ADAMTS7: variants seen among roughly 807,000 people sequenced by gnomAD.
ADAMTS7 encodes the protein ADAM metallopeptidase with thrombospondin type 1 motif 7.
A neutral mutation model predicts 172.6 loss-of-function variants in ADAMTS7; 89 were observed. That is an observed-to-expected ratio of 0.52 (90% CI 0.43 to 0.61). The LOEUF (loss-of-function observed/expected upper bound fraction) is 0.61. Among genes scored for constraint, ADAMTS7 ranks in the 20% least tolerant of loss-of-function variants. ADAMTS7 has a pLI of 0.00. For synonymous variants in ADAMTS7, 885 were observed against 978.4 expected (o/e 0.90, Z 1.78); for missense variants, 1,973 against 2,355.6 (o/e 0.84, Z 3.36).
At chr15:78,760,082 TTC>T (rs1240861365) in intron 23 of ADAMTS7, among the ~76,000 whole-genome samples, 9 of 148,334 alleles carry the variant, frequency 6.1e-5, no homozygotes. Context: ...CAGCCTCGGG[TTC>T]TGAGTCACAG....
intron 20 of ADAMTS7, 63 bp downstream of exon 20, chr15:78,764,492 G>T: frequency 1.3e-6 from 2 of 1,501,196 alleles, no homozygotes; most frequent in Non-Finnish European, 8.9e-7. Flanking sequence ...AACACAGGCC[G>T]TGGGGAACCA....
At chr15:78,770,635 GGGGGGAGACCGAGGGGTAT>G (rs371293965) in intron 16 of ADAMTS7, 27 of 134,526 alleles carry the variant, frequency 2.0e-4, no homozygotes, top group Non-Finnish European at 3.1e-4. Context: ...CGAGGGGTAT[GGGGGGAGACCGAGGGGTAT>G]GGGGGAGACT....
Position 78,811,118 on chromosome 15 carries a change from C to T in ADAMTS7, c.100+3G>A. 1.6e-6 allele frequency: 2 copies of T among 1,229,860 alleles called. No individual in the cohort carries two copies. The highest frequency in any genetic ancestry group is 2.0e-6 in the Non-Finnish European group (2 of 986,890). 76.2% of individuals were successfully genotyped at this position (1,229,860 alleles called of 1,614,324 possible). A position where few individuals can be genotyped will look rare whatever the true frequency, so the allele number is the denominator to read the frequency against. ...GGCTGGCCGGGGAGGGGCGGACACC[C>T]ACCTGGTGCGGGTCCGGGGGCGCCG... is the stretch of plus-strand genomic sequence containing the variant. On this transcript the variant is annotated splice_donor_region_variant and intron_variant, in intron 1 of 23. Transcript: ENST00000388820.
At position 78,766,933 on chromosome 15, in the gene ADAMTS7, A is replaced by G. The variant is rs535910575; in HGVS notation, c.2978T>C (p.Leu993Pro). Residue 993 changes from leucine to proline, a missense_variant, in exon 19 of 24, where the codon CTC (leucine) becomes CCC (proline). This residue lies in a region of ADAMTS7 where 771 missense variants were observed against 952.6 expected (regional missense o/e 0.81). Transcript: ENST00000388820. ...PASEVTCSLP[L>P]CRWPLGTLGP... ...CAGTGTGCCCAGGGGCCACCGACAG[A>G]GTGGCAGAGAGCAGGTGACTTCGCT... 1.4e-4 allele frequency: 231 copies of G among 1,610,440 alleles called. 1 individual carries two copies. In the East Asian group the frequency reaches 2.3e-3, roughly 16 times the overall value.
chr15:78,768,154 C>T lies in ADAMTS7; in HGVS notation c.2624G>A (p.Ser875Asn). 4.4e-6 allele frequency: 7 copies of T among 1,598,030 alleles called. No homozygotes were observed. The highest frequency in any genetic ancestry group is 6.0e-6 in the Non-Finnish European group (7 of 1,174,762). ...TCACCTGGCAGGGCAGGGCTGCTCG[C>T]TGCACTTCCTCTGTTGGTCATCAGG... ...GRPDDQQRKC[S>N]EQPCPARWWA... Residue 875 changes from serine (S) to asparagine (N), a missense_variant, in exon 17 of 24, where the codon AGC (serine) becomes AAC (asparagine). Physicochemically the swap from Ser to Asn is conservative, Grantham distance 46 (BLOSUM62 1). This residue lies in a region of ADAMTS7 where 771 missense variants were observed against 952.6 expected (regional missense o/e 0.81). Coordinates refer to ENST00000388820, the MANE Select transcript of ADAMTS7 (RefSeq NM_014272.5).
chr15:78,790,523 GA>G (rs2055563677), intron 6 of ADAMTS7, 146 bp downstream of exon 6: 2 of 1,018,218 alleles, frequency 2.0e-6, no homozygotes, highest in Non-Finnish European at 2.8e-6. Context: ...AGTGCGGACA[GA>G]ATCCAGCCTT....
At chr15:78,795,407 G>C (rs1444554219) in intron 4 of ADAMTS7, among the ~76,000 whole-genome samples, 1 of 152,238 alleles carries the variant, frequency 6.6e-6, no homozygotes, top group African/African-American at 2.4e-5. Flanking sequence ...CTGGCCCAGA[G>C]CTGCACTCAC....
chr15:78,773,374 T>C (rs8041841), intron 13 of ADAMTS7, among the ~76,000 whole-genome samples, 171 bp from the exon 14 acceptor site: 48,451 of 125,394 alleles, frequency 0.39, 8,221 homozygotes, highest in Non-Finnish European at 0.51. Context: ...ACCTCTCTAC[T>C]TCCCTAAGCC....
chr15:78,787,363 A>AC (rs968676778), intron 8 of ADAMTS7, among the ~76,000 whole-genome samples: 4 of 151,504 alleles, frequency 2.6e-5, no homozygotes, highest in African/African-American at 7.3e-5. Context: ...AAAAAAACAA[A>AC]AAAACACCAG....
intron 1 of ADAMTS7, among the ~76,000 whole-genome samples, chr15:78,804,675 G>A (rs991581620): frequency 1.3e-4 from 20 of 152,308 alleles, no homozygotes; most frequent in African/African-American, 4.3e-4. Flanking sequence ...GCTCACAACC[G>A]CCGCAGCGAT....
intron 11 of ADAMTS7, 134 bp from the exon 12 acceptor site, chr15:78,774,927 C>T: frequency 4.3e-6 from 5 of 1,170,642 alleles, no homozygotes; most frequent in Non-Finnish European, 5.8e-6. Context: ...CACGCTGCTC[C>T]CCTCCCTTGG....
chr15:78,766,253 C>T lies in ADAMTS7; in HGVS notation c.3658G>A (p.Asp1220Asn). The change falls in exon 19 of 24, where the codon GAT becomes AAT. Residue 1220 changes from aspartate to asparagine, a missense_variant. Around this residue, in one of 8 missense-constraint regions of ADAMTS7, gnomAD observed 771 missense variants for 952.6 expected, o/e 0.81. Coordinates refer to ENST00000388820, the MANE Select transcript of ADAMTS7 (RefSeq NM_014272.5). ...CCTCGGCCCTTGGGTTCCTCATCAT[C>T]CTTGAAAACCTCATTGGTCCTGTCC... Reference protein sequence around the residue: ...WRDRTNEVFKDDEEPKGRGAP... With the variant: ...WRDRTNEVFKNDEEPKGRGAP... The T allele has an allele frequency of 6.2e-7, 1 of 1,611,742 alleles. No homozygotes were observed. The highest frequency in any genetic ancestry group is 8.5e-7 in the Non-Finnish European group (1 of 1,179,754).
chr15:78,809,837 A>T (rs1208970168), intron 1 of ADAMTS7, among the ~76,000 whole-genome samples: 2 of 152,244 alleles, frequency 1.3e-5, no homozygotes, highest in East Asian at 3.8e-4. Flanking sequence ...TTGCTGGTCC[A>T]TAAAAGGACT....
At chr15:78,788,134 C>G (rs2141506340) in intron 8 of ADAMTS7, 97 bp downstream of exon 8, 2 of 1,516,340 alleles carry the variant, frequency 1.3e-6, no homozygotes, top group Middle Eastern at 2.4e-4. Flanking sequence ...CCTCTGCTTC[C>G]CTCTACCCCG....
rs760158146 is a variant in ADAMTS7, at chr15:78,776,239, C to T, written c.1655G>A (p.Arg552Gln). 2.9e-5 allele frequency: 46 copies of T among 1,611,550 alleles called. 1 individual carries two copies. The highest frequency in any genetic ancestry group is 4.4e-5 in the South Asian group (4 of 90,990). The change falls in exon 11 of 24, where the codon CGG becomes CAG. Residue 552 changes from arginine to glutamine, a missense_variant. Arg to Gln is a conservative substitution (Grantham distance 43). Coordinates refer to ENST00000388820, the MANE Select transcript of ADAMTS7 (RefSeq NM_014272.5). ...SGWSAWSICSRSCGMGVQSAE... is the reference protein window; with the variant it reads ...SGWSAWSICSQSCGMGVQSAE... ...GCTCTGTACGCCCATGCCACAGCTC[C>T]GTGAGCAGATGGACCAGGCGCTCCA...
rs372855135 is a variant in ADAMTS7, at chr15:78,767,471, C to T, written c.2767G>A (p.Ala923Thr). The T allele has an allele frequency of 6.7e-5, 108 of 1,611,320 alleles. No homozygotes were observed. The highest frequency in any genetic ancestry group is 4.5e-4 in the South Asian group (41 of 90,950). The change falls in exon 18 of 24, where the codon GCC becomes ACC. Residue 923 changes from alanine to threonine, a missense_variant. Around this residue, in one of 8 missense-constraint regions of ADAMTS7, gnomAD observed 771 missense variants for 952.6 expected, o/e 0.81. Coordinates refer to ENST00000388820, the MANE Select transcript of ADAMTS7 (RefSeq NM_014272.5). Reference protein sequence around the residue: ...LDEQSALEPPACEHLPRPPTE... With the variant: ...LDEQSALEPPTCEHLPRPPTE... Reference sequence around the variant, plus strand: ...GGGGGCCGGGGAAGGTGTTCACAGGCGGGTGGCTCCAGGGCGCTCTGCTCA... The same window carrying T: ...GGGGGCCGGGGAAGGTGTTCACAGGTGGGTGGCTCCAGGGCGCTCTGCTCA...
At chr15:78,806,651 G>C (rs1266548146) in intron 1 of ADAMTS7, among the ~76,000 whole-genome samples, 1 of 152,138 alleles carries the variant, frequency 6.6e-6, no homozygotes, top group African/African-American at 2.4e-5. Flanking sequence ...GAAAATGACA[G>C]AGATAGGGAA....
chr15:78,780,710 C>T lies in ADAMTS7; in HGVS notation c.1323-3122G>A, dbSNP rs191284601. The stretch of plus-strand genomic sequence containing the variant: ...ACCACCTCCTGAGGGTTCTTCTGCC[C>T]CACCCTATACTCGCATGGCCCCGGC... On this transcript the variant is annotated intron_variant, in intron 8 of 23. Coordinates refer to ENST00000388820, the MANE Select transcript of ADAMTS7 (RefSeq NM_014272.5). Among the ~76,000 whole-genome samples, 3 of 152,346 alleles carry T rather than the reference C, an allele frequency of 2.0e-5. No individual in the cohort carries two copies. The East Asian group carries it at 5.8e-4, about 29-fold the overall frequency.
At chr15:78,772,624 C>T (rs1266482874) in intron 14 of ADAMTS7, among the ~76,000 whole-genome samples, 1 of 152,390 alleles carries the variant, frequency 6.6e-6, no homozygotes, top group African/African-American at 2.4e-5. Context: ...CCTCAGTGCT[C>T]CCACAGCCCT....
Sources: allele counts gnomAD v4.1 joint callset (sites outside exome capture counted in the v4.1 genomes callset), GRCh38; gene constraint gnomAD v4.1.1; regional missense constraint gnomAD v4.1.1; transcripts MANE v1.5; gene names NCBI Gene and HGNC (gene_info 2026-07-23, HGNC 2026-07-21).